Variants in RARB observed in about 807,000 individuals in gnomAD.
The protein encoded by RARB is HBV-activated protein.
Under a neutral mutation model 51.9 loss-of-function variants are expected in RARB, and 17 were observed. The observed-to-expected ratio is 0.33, with a 90% CI of 0.22 to 0.49. The LOEUF is 0.49. Among genes scored for constraint, RARB ranks in the 20% least tolerant of loss-of-function variants. The pLI, the probability that RARB is intolerant of heterozygous loss-of-function variation, is 0.99. For synonymous variants in RARB, 215 were observed against 195.4 expected (o/e 1.10, Z -0.84); for missense variants, 369 against 550.8 (o/e 0.67, Z 3.30).
At chr3:25,087,731 A>C (rs1465551459) in intron 3 of RARB, among the ~76,000 whole-genome samples, 3 of 152,228 alleles carry the variant, frequency 2.0e-5, no homozygotes, top group South Asian at 4.1e-4. Context: ...ACAGGTACGA[A>C]CAATTTTTGG....
At chr3:25,569,617 G>A in intron 3 of RARB, 141 bp from the exon 4 acceptor site, 1 of 980,878 alleles carries the variant, frequency 1.0e-6, no homozygotes, top group East Asian at 2.4e-5. Context: ...CCAGGGAGGT[G>A]TGTTATTACC....
chr3:25,287,215 G>T (rs796289139), intron 5 of RARB, among the ~76,000 whole-genome samples: 1 of 152,086 alleles, frequency 6.6e-6, no homozygotes. Context: ...TTGAACTCTG[G>T]TGTCGCTCCC....
intron 5 of RARB, among the ~76,000 whole-genome samples, chr3:25,339,994 C>T (rs1260434293): frequency 6.6e-6 from 1 of 152,062 alleles, no homozygotes; most frequent in Non-Finnish European, 1.5e-5. Flanking sequence ...GCAGAAGGTC[C>T]TGAATTGGTT....
chr3:24,955,369 C>T (rs1220429658), intron 2 of RARB, among the ~76,000 whole-genome samples: 1 of 152,060 alleles, frequency 6.6e-6, no homozygotes, highest in African/African-American at 2.4e-5. Flanking sequence ...AAACACAGCA[C>T]AGGGGTGGGG....
At chr3:24,910,317 T>G (rs1042815180) in intron 2 of RARB, among the ~76,000 whole-genome samples, 1 of 152,204 alleles carries the variant, frequency 6.6e-6, no homozygotes, top group African/African-American at 2.4e-5. Context: ...TTTCTAGTTT[T>G]CCCAGTTAGG....
At chr3:25,356,828 T>C (rs1705755214) in intron 5 of RARB, among the ~76,000 whole-genome samples, 2 of 152,218 alleles carry the variant, frequency 1.3e-5, no homozygotes, top group Non-Finnish European at 1.5e-5. Flanking sequence ...TCCATGTCCC[T>C]GCAAAGAACA....
chr3:25,397,887 G>GAA lies in RARB; in HGVS notation c.179-63295_179-63294dup, dbSNP rs11370692. ...GAAAATGTATGAGTTGTTTTGATTA[G>GAA]AAAAAAAAAAAATTCTTACATACAT... On this transcript the variant is annotated intron_variant, in intron 5 of 11. Transcript: ENST00000383772. Among the ~76,000 whole-genome samples, 183 of 148,914 alleles carry GAA rather than the reference G, an allele frequency of 1.2e-3. 2 individuals carry two copies. The highest frequency in any genetic ancestry group is 5.1e-3 in the Admixed American group (76 of 14,914).
At chr3:25,595,851 C>T (rs867219379) in intron 7 of RARB, among the ~76,000 whole-genome samples, 12 of 152,196 alleles carry the variant, frequency 7.9e-5, no homozygotes, top group South Asian at 2.1e-4. Context: ...CTGCCATCAA[C>T]CTGTCTTTTT....
chr3:25,419,895 A>G (rs1707810641), intron 5 of RARB, among the ~76,000 whole-genome samples: 1 of 152,206 alleles, frequency 6.6e-6, no homozygotes, highest in South Asian at 2.1e-4. Flanking sequence ...AAGCAACTGT[A>G]ACTTCATCAA....
At chr3:25,351,226 G>C in intron 5 of RARB, among the ~76,000 whole-genome samples, 1 of 152,004 alleles carries the variant, frequency 6.6e-6, no homozygotes, top group East Asian at 1.9e-4. Context: ...GGAGAGGGGC[G>C]GGCAGGCTTG....
At chr3:25,116,633 T>TA (rs1262711144) in intron 3 of RARB, among the ~76,000 whole-genome samples, 5 of 151,970 alleles carry the variant, frequency 3.3e-5, no homozygotes, top group Admixed American at 3.3e-4. Context: ...TAGCTTGCAT[T>TA]ACACTGGCTA....
At chr3:25,013,244 G>A (rs1402610262) in intron 2 of RARB, among the ~76,000 whole-genome samples, 1 of 152,082 alleles carries the variant, frequency 6.6e-6, no homozygotes, top group Non-Finnish European at 1.5e-5. Flanking sequence ...CCAGTGTTTA[G>A]CTTTGCTTAA....
At chr3:24,844,677 A>C (rs995988720) in intron 1 of RARB, among the ~76,000 whole-genome samples, 6 of 152,226 alleles carry the variant, frequency 3.9e-5, no homozygotes, top group African/African-American at 1.4e-4. Flanking sequence ...GCACTTCTTC[A>C]ATCTATAAGA....
At chr3:25,219,579 G>T (rs1701902102) in intron 5 of RARB, among the ~76,000 whole-genome samples, 1 of 152,146 alleles carries the variant, frequency 6.6e-6, no homozygotes. Context: ...CTGTTCCTTT[G>T]TTGCTGTTTG....
At chr3:25,009,590 C>T (rs1040752367) in intron 2 of RARB, among the ~76,000 whole-genome samples, 1 of 151,996 alleles carries the variant, frequency 6.6e-6, no homozygotes, top group Non-Finnish European at 1.5e-5. Context: ...CACAGGGAGT[C>T]CTCATTCATG....
chr3:25,231,697 T>G (rs1456560364), intron 5 of RARB, among the ~76,000 whole-genome samples: 3 of 152,184 alleles, frequency 2.0e-5, no homozygotes, highest in Non-Finnish European at 4.4e-5. Context: ...GAGCATGGTT[T>G]CATGTGTTTA....
intron 2 of RARB, among the ~76,000 whole-genome samples, chr3:25,003,197 A>G (rs1697203586): frequency 6.6e-6 from 1 of 151,130 alleles, no homozygotes. Flanking sequence ...CATAATGCAA[A>G]AAAAAAAAAA....
At chr3:25,341,529 G>A (rs1559364273) in intron 5 of RARB, among the ~76,000 whole-genome samples, 1 of 152,068 alleles carries the variant, frequency 6.6e-6, no homozygotes, top group Non-Finnish European at 1.5e-5. Flanking sequence ...ACCAAAGGAA[G>A]GGTTGGGGTG....
At chr3:24,961,667 GTATTGGAAGTGATGGA>G (rs1182047263) in intron 2 of RARB, among the ~76,000 whole-genome samples, 5 of 152,158 alleles carry the variant, frequency 3.3e-5, no homozygotes, top group Non-Finnish European at 7.4e-5. Flanking sequence ...TTATCTCAGA[GTATTGGAAGTGATGGA>G]TCAACTCAGA....
Sources: allele counts gnomAD v4.1 joint callset (sites outside exome capture counted in the v4.1 genomes callset), GRCh38; gene constraint gnomAD v4.1.1; transcripts MANE v1.5; gene names NCBI Gene and HGNC (gene_info 2026-07-23, HGNC 2026-07-21).